The following GPR89B variants were observed in gnomAD, a reference collection of about 807,000 sequenced individuals.
The protein encoded by GPR89B is golgi pH regulator B.
In GPR89B, 25 loss-of-function variants were observed where a neutral mutation model predicts 52.4. That is an observed-to-expected ratio of 0.48 (90% confidence interval 0.35 to 0.67). GPR89B has a LOEUF of 0.67. Ranked by LOEUF, GPR89B falls within the 30% of genes least tolerant of loss-of-function variation. The pLI, the probability that GPR89B is intolerant of heterozygous loss-of-function variation, is 0.01. For synonymous variants in GPR89B, 52 were observed against 151.2 expected (o/e 0.34, Z 4.81); for missense variants, 146 against 450.2 (o/e 0.32, Z 6.11).
chr1:147,934,543 A>G (rs1653922556), intron 1 of GPR89B, among the ~76,000 whole-genome samples: 2 of 152,128 alleles, frequency 1.3e-5, no homozygotes, highest in Non-Finnish European at 2.9e-5. Flanking sequence ...TGTGTGATGA[A>G]TACCTTGAAA....
intron 10 of GPR89B, among the ~76,000 whole-genome samples, chr1:147,971,274 C>T (rs1208425953): frequency 2.6e-5 from 4 of 151,406 alleles, no homozygotes; most frequent in African/African-American, 4.9e-5. Context: ...CTCAGCCTCC[C>T]GAGTGGCTGG....
intron 1 of GPR89B, among the ~76,000 whole-genome samples, chr1:147,934,326 A>G (rs1553247532): frequency 6.6e-6 from 1 of 152,088 alleles, no homozygotes; most frequent in Non-Finnish European, 1.5e-5. Flanking sequence ...ACAGGCATGC[A>G]CCACCATAGC....
chr1:148,003,121 A>C, the GPR89B span, among the ~76,000 whole-genome samples: 1 of 152,210 alleles, frequency 6.6e-6, no homozygotes, highest in Admixed American at 6.5e-5. Context: ...TCTCCAAGGC[A>C]CTGAGGATGT....
At chr1:147,988,107 C>G (rs1300164919) in intron 11 of GPR89B, among the ~76,000 whole-genome samples, 2 of 151,864 alleles carry the variant, frequency 1.3e-5, no homozygotes, top group Non-Finnish European at 2.9e-5. Flanking sequence ...AGTACCAACA[C>G]TTTGGGAGGC....
At position 147,991,108 on chromosome 1, in the gene GPR89B, T is replaced by G. The variant is rs1382576374; in HGVS notation, c.1096-1394T>G. Among the ~76,000 whole-genome samples the G allele has an allele frequency of 1.0e-3, 153 of 150,752 alleles. 6 individuals carry two copies. The highest frequency in any genetic ancestry group is 3.8e-3 in the African/African-American group (152 of 40,462). ...TGGAATGTTCTTCCATGTGTTTGTT[T>G]CCTCTTTTATTGTGTTGAGCAGTGG... On this transcript the variant is annotated intron_variant, in intron 12 of 13. Coordinates refer to ENST00000314163, the MANE Select transcript of GPR89B (RefSeq NM_016334.5).
At chr1:147,983,243 C>T (rs1658405002) in intron 10 of GPR89B, among the ~76,000 whole-genome samples, 1 of 152,114 alleles carries the variant, frequency 6.6e-6, no homozygotes, top group Non-Finnish European at 1.5e-5. Flanking sequence ...TAGGCGTTAC[C>T]ATTCAGGACA....
chr1:147,997,778 C>A (rs2149100546), downstream of GPR89B, among the ~76,000 whole-genome samples: 1 of 152,212 alleles, frequency 6.6e-6, no homozygotes, highest in South Asian at 2.1e-4. Context: ...AGAGACCAAC[C>A]CATATACACA....
At chr1:148,005,595 C>T in the GPR89B span, 130 of 1,143,284 alleles carry the variant, frequency 1.1e-4, 1 homozygote, top group Admixed American at 7.4e-4. Context: ...TTCTGATTAG[C>T]CCCAGTCCTG....
At chr1:148,019,687 GTGAAAACATGAATATCCGACAAA>G in the GPR89B span, among the ~76,000 whole-genome samples, 1 of 152,098 alleles carries the variant, frequency 6.6e-6, no homozygotes, top group Admixed American at 6.5e-5. Flanking sequence ...AAGAATGAGA[GTGAAAACATGAATATCCGACAAA>G]AGTAAACAGC....
chr1:148,017,550 T>C, the GPR89B span, among the ~76,000 whole-genome samples: 3 of 149,216 alleles, frequency 2.0e-5, no homozygotes, highest in Admixed American at 6.6e-5. Flanking sequence ...CTGGCTAACA[T>C]GGTGAAACCC....
chr1:148,019,508 G>A, the GPR89B span, among the ~76,000 whole-genome samples: 16,055 of 151,776 alleles, frequency 0.11, 1,234 homozygotes, highest in African/African-American at 0.19. Context: ...GAAGATCTGT[G>A]CATCAAACCA....
At chr1:148,017,625 C>G in the GPR89B span, among the ~76,000 whole-genome samples, 1 of 149,924 alleles carries the variant, frequency 6.7e-6, no homozygotes, top group African/African-American at 2.5e-5. Context: ...GTAGTCCCAG[C>G]TACTCAGGAG....
chr1:147,968,126 A>T, intron 8 of GPR89B: 1 of 380,890 alleles, frequency 2.6e-6, no homozygotes, highest in Non-Finnish European at 5.1e-6. Flanking sequence ...GAGCTGTGTT[A>T]GTGATGAGTT....
intron 5 of GPR89B, among the ~76,000 whole-genome samples, chr1:147,951,771 A>G (rs1655726959): frequency 6.6e-6 from 1 of 151,874 alleles, no homozygotes; most frequent in Admixed American, 6.6e-5. Context: ...TAGCACCAAG[A>G]TTATCACTAG....
At chr1:147,976,927 G>T (rs1303915666) in intron 10 of GPR89B, among the ~76,000 whole-genome samples, 6,425 of 151,320 alleles carry the variant, frequency 0.042, 214 homozygotes, top group African/African-American at 0.071. Context: ...ATTCTTGGTT[G>T]GAAATTCTTT....
At chr1:147,999,380 G>A in the GPR89B span, among the ~76,000 whole-genome samples, 61 of 149,986 alleles carry the variant, frequency 4.1e-4, no homozygotes, top group African/African-American at 1.3e-3. Flanking sequence ...AGGCCGAGGC[G>A]GGCGGATCAC....
chr1:148,015,293 A>ATCTATCTCTC, the GPR89B span, among the ~76,000 whole-genome samples: 2 of 69,858 alleles, frequency 2.9e-5, no homozygotes, highest in Admixed American at 1.8e-4. Flanking sequence ...GGATTCTAGG[A>ATCTATCTCTC]TCTCTCTCTC....
At chr1:148,011,322 A>AG in the GPR89B span, 1 of 152,170 alleles carries the variant, frequency 6.6e-6, no homozygotes. Flanking sequence ...CTCTGCTCAA[A>AG]GCCTGTCTTT....
chr1:148,003,266 A>G, the GPR89B span, among the ~76,000 whole-genome samples: 1 of 152,122 alleles, frequency 6.6e-6, no homozygotes, highest in African/African-American at 2.4e-5. Flanking sequence ...ACCTTCCCTG[A>G]AAGAACCTAG....
Sources: allele counts gnomAD v4.1 joint callset (sites outside exome capture counted in the v4.1 genomes callset), GRCh38; gene constraint gnomAD v4.1.1; transcripts MANE v1.5; gene names NCBI Gene and HGNC (gene_info 2026-07-23, HGNC 2026-07-21).